SLC8A1: variants seen among roughly 807,000 people sequenced by gnomAD.
The protein encoded by SLC8A1 is solute carrier family 8 member A1, also known as sodium/calcium exchanger 1.
Under a neutral mutation model 68.3 loss-of-function variants are expected in SLC8A1, and 18 were observed. The observed-to-expected ratio is 0.26, with a 90% CI of 0.18 to 0.39. The LOEUF (loss-of-function observed/expected upper bound fraction) is 0.39. Ranked by LOEUF, SLC8A1 falls within the 10% of genes least tolerant of loss-of-function variation. SLC8A1 has a pLI of 1.00. For missense variants in SLC8A1, 985 were observed against 1,156.7 expected (o/e 0.85, Z 2.15); for synonymous variants, 475 against 415.5 (o/e 1.14, Z -1.74).
At chr2:40,456,193 G>C (rs1358057624), upstream of SLC8A1, among the ~76,000 whole-genome samples, 1 of 152,090 alleles carries the variant, frequency 6.6e-6, no homozygotes, top group Non-Finnish European at 1.5e-5. Context: ...GCGGGCACCT[G>C]TAGTCCCAGC....
At chr2:40,108,205 T>C (rs1044091374) in exon 8 of SLC8A1, 2 of 152,222 alleles carry the variant, frequency 1.3e-5, no homozygotes, top group Admixed American at 6.5e-5. Flanking sequence ...AGGGAAATTA[T>C]TGAAGGTAAT....
chr2:40,254,448 A>T (rs1490043896), intron 2 of SLC8A1: 1 of 147,296 alleles, frequency 6.8e-6, no homozygotes, highest in Non-Finnish European at 1.5e-5. Flanking sequence ...CAGACAGGTC[A>T]TCAGAAAACA....
intron 2 of SLC8A1, among the ~76,000 whole-genome samples, chr2:40,296,311 T>C (rs2070372317): frequency 6.6e-6 from 1 of 152,176 alleles, no homozygotes; most frequent in Non-Finnish European, 1.5e-5. Flanking sequence ...GGAATGACAT[T>C]TCCTTCTTCT....
chr2:40,240,918 A>T (rs1254008428), intron 2 of SLC8A1, among the ~76,000 whole-genome samples: 1 of 152,256 alleles, frequency 6.6e-6, no homozygotes, highest in Non-Finnish European at 1.5e-5. Context: ...CACTTTTAAA[A>T]TAGAGACAAT....
intron 2 of SLC8A1, among the ~76,000 whole-genome samples, chr2:40,284,128 T>C (rs1001659474): frequency 6.6e-6 from 1 of 152,018 alleles, no homozygotes; most frequent in Non-Finnish European, 1.5e-5. Flanking sequence ...TTACATTGTT[T>C]CCATTTTCTC....
At chr2:40,411,906 CAACA>C (rs1692272456) in intron 2 of SLC8A1, among the ~76,000 whole-genome samples, 1 of 152,026 alleles carries the variant, frequency 6.6e-6, no homozygotes, top group Non-Finnish European at 1.5e-5. Flanking sequence ...ATCAATAACT[CAACA>C]GTCAAAATTG....
chr2:40,350,993 T>C (rs1670907044), intron 2 of SLC8A1, among the ~76,000 whole-genome samples: 1 of 152,168 alleles, frequency 6.6e-6, no homozygotes, highest in Non-Finnish European at 1.5e-5. Flanking sequence ...CTGTCTAAAC[T>C]TCACATTCTC....
At chr2:40,391,599 C>T (rs1362334527) in intron 2 of SLC8A1, among the ~76,000 whole-genome samples, 1 of 151,992 alleles carries the variant, frequency 6.6e-6, no homozygotes, top group African/African-American at 2.4e-5. Flanking sequence ...CTTTCATGCT[C>T]TTTCTTTCCT....
At chr2:40,113,058 A>G (rs2034761732) in exon 8 of SLC8A1, 1 of 152,298 alleles carries the variant, frequency 6.6e-6, no homozygotes, top group Non-Finnish European at 1.5e-5. Flanking sequence ...GTAATCACAT[A>G]AACTGTAACC....
chr2:40,481,377 G>T (rs567567383), intron 1 of SLC8A1, among the ~76,000 whole-genome samples: 1 of 152,150 alleles, frequency 6.6e-6, no homozygotes, highest in South Asian at 2.1e-4. Context: ...GCCATACCTG[G>T]CTTTAAATTC....
In SLC8A1 at chr2:40,331,573, TTTTA is replaced by T. The variant is rs542670207; in HGVS notation, c.1808+96896_1808+96899del. ...TCAATTATTTTTCATTAGGGTGGCT[TTTTA>T]TTTATTTATTTTATTTTATGTTTAT... On this transcript the variant is annotated intron_variant, in intron 2 of 7. Transcript: ENST00000406785. Among the ~76,000 whole-genome samples, 464 of 152,134 alleles carry T rather than the reference TTTTA, an allele frequency of 3.0e-3. 2 individuals are homozygous for T. The highest frequency in any genetic ancestry group is 4.1e-3 in the Non-Finnish European group (282 of 67,962).
chr2:40,176,973 A>G (rs774016620), intron 3 of SLC8A1, among the ~76,000 whole-genome samples: 2 of 152,218 alleles, frequency 1.3e-5, no homozygotes, highest in African/African-American at 4.8e-5. Flanking sequence ...TGTCTTTCCT[A>G]TGAAATATAT....
At chr2:40,468,841 T>C (rs1252077800) in intron 1 of SLC8A1, among the ~76,000 whole-genome samples, 1 of 152,038 alleles carries the variant, frequency 6.6e-6, no homozygotes, top group Non-Finnish European at 1.5e-5. Flanking sequence ...TTAGGGAGGC[T>C]GAGGTGGGAG....
exon 8 of SLC8A1, chr2:40,106,487 T>G (rs1013206569): frequency 2.6e-5 from 4 of 152,102 alleles, no homozygotes; most frequent in Non-Finnish European, 5.9e-5. Context: ...AAAAAACAAC[T>G]AAATCTATGC....
chr2:40,502,585 T>G (rs1338356164), intron 1 of SLC8A1, among the ~76,000 whole-genome samples: 2 of 152,104 alleles, frequency 1.3e-5, no homozygotes, highest in African/African-American at 4.8e-5. Context: ...TAATTGCATT[T>G]TAAAAATATT....
At chr2:40,165,092 T>C in intron 4 of SLC8A1, 108 bp from the exon 8 acceptor site, 7 of 1,389,576 alleles carry the variant, frequency 5.0e-6, no homozygotes, top group Non-Finnish European at 7.0e-6. Context: ...AATGACCTAC[T>C]AAAGCCCCCT....
chr2:40,235,127 G>A (rs1450897242), intron 2 of SLC8A1, among the ~76,000 whole-genome samples: 3 of 152,096 alleles, frequency 2.0e-5, no homozygotes, highest in East Asian at 3.9e-4. Context: ...ATGAGTTAGG[G>A]AGGATTCCCT....
chr2:40,230,189 AG>A (rs2059476455), intron 2 of SLC8A1, among the ~76,000 whole-genome samples: 1 of 152,196 alleles, frequency 6.6e-6, no homozygotes, highest in Admixed American at 6.5e-5. Context: ...AGGTCTCGCT[AG>A]TCCAGAAACA....
At chr2:40,109,736 CTGTT>C (rs1382162327) in exon 8 of SLC8A1, 3 of 152,136 alleles carry the variant, frequency 2.0e-5, no homozygotes, top group Non-Finnish European at 4.4e-5. Flanking sequence ...AATATTAAGA[CTGTT>C]TATTCCCATG....
Sources: allele counts gnomAD v4.1 joint callset (sites outside exome capture counted in the v4.1 genomes callset), GRCh38; gene constraint gnomAD v4.1.1; transcripts MANE v1.5; gene names NCBI Gene and HGNC (gene_info 2026-07-23, HGNC 2026-07-21).